The following RSPH10B2 variants were observed in gnomAD, a reference collection of about 807,000 sequenced individuals.
The protein encoded by RSPH10B2 is radial spoke head 10 homolog B2 (Chlamydomonas).
In RSPH10B2, 9 loss-of-function variants were observed where a neutral mutation model predicts 49.0. The observed-to-expected ratio is 0.18, with a 90% CI of 0.11 to 0.32. The LOEUF (loss-of-function observed/expected upper bound fraction) is 0.32, where lower values mean the gene tolerates loss of function less well. Among genes scored for constraint, RSPH10B2 ranks in the 10% least tolerant of loss-of-function variants. The pLI, the probability that RSPH10B2 is intolerant of heterozygous loss-of-function variation, is 1.00. For missense variants in RSPH10B2, 95 were observed against 589.9 expected (o/e 0.16, Z 8.69); for synonymous variants, 35 against 210.2 (o/e 0.17, Z 7.21).
chr7:6,786,705 C>CTGTGCGTGTG (rs1280904311), intron 14 of RSPH10B2, among the ~76,000 whole-genome samples, 173 bp from the exon 17 acceptor site: 1 of 139,222 alleles, frequency 7.2e-6, no homozygotes, highest in African/African-American at 2.8e-5. Flanking sequence ...GTGTGCGTGT[C>CTGTGCGTGTG]TGTGCGTGTG....
At chr7:6,783,112 C>T (rs1386998868) in intron 13 of RSPH10B2, among the ~76,000 whole-genome samples, 1 of 110,262 alleles carries the variant, frequency 9.1e-6, no homozygotes, top group Non-Finnish European at 1.8e-5. Flanking sequence ...CTCACTGCAA[C>T]CTCCGCCTCC....
Position 6,780,901 on chromosome 7 carries a change from C to T in RSPH10B2, c.1609+13C>T, listed in dbSNP as rs769315024. On this transcript the variant is annotated intron_variant, in intron 12 of 18. Coordinates refer to ENST00000297186, the Ensembl canonical transcript of RSPH10B2. ...TGCCAGATAAAAGGTAAATACAAAA[C>T]CAATAGGATTCTATTTACCGCCCCA... 9 of 1,445,840 alleles carry T rather than the reference C, an allele frequency of 6.2e-6. 1 individual carries two copies. The Admixed American group carries it at 2.0e-4, about 32-fold the overall frequency. 89.6% of individuals were successfully genotyped at this position (1,445,840 alleles called of 1,614,324 possible). A position where few individuals can be genotyped will look rare whatever the true frequency, so the allele number is the denominator to read the frequency against.
upstream of RSPH10B2, among the ~76,000 whole-genome samples, chr7:6,756,080 A>G (rs1303771796): frequency 3.3e-5 from 5 of 150,794 alleles, no homozygotes; most frequent in South Asian, 2.1e-4. Flanking sequence ...CATCCTGGCT[A>G]ACCCGGTGAA....
chr7:6,783,839 ATTATTAT>A (rs1782036722), intron 13 of RSPH10B2, among the ~76,000 whole-genome samples: 1 of 103,722 alleles, frequency 9.6e-6, no homozygotes, highest in South Asian at 2.9e-4. Flanking sequence ...AATAATAATA[ATTATTAT>A]TATTATTATT....
Position 6,765,868 on chromosome 7 carries a change from T to C in RSPH10B2, c.659+77T>C. ...GCCCAATAGCGTTCACCTCGGATAT[T>C]TAAAAGTAAGATGCAAAAGTTGCAT... On this transcript the variant is annotated intron_variant, in intron 5 of 18. Transcript: ENST00000297186. 1.6e-6 allele frequency: 2 copies of C among 1,220,016 alleles called. 1 individual carries two copies. Among genetic ancestry groups the C allele is most frequent in the Non-Finnish European group, 2.2e-6 (2 of 928,396 alleles). 75.6% of individuals were successfully genotyped at this position (1,220,016 alleles called of 1,614,324 possible). A position where few individuals can be genotyped will look rare whatever the true frequency, so the allele number is the denominator to read the frequency against.
intron 1 of RSPH10B2, among the ~76,000 whole-genome samples, chr7:6,758,241 A>G (rs1781142804): frequency 1.4e-5 from 2 of 146,052 alleles, no homozygotes; most frequent in South Asian, 4.4e-4. Flanking sequence ...CAGCCTCCCA[A>G]AGTGCTGGGA....
intron 4 of RSPH10B2, among the ~76,000 whole-genome samples, chr7:6,764,950 T>C (rs1190475347): frequency 1.1e-5 from 1 of 90,518 alleles, no homozygotes; most frequent in African/African-American, 4.4e-5. Flanking sequence ...TGCTCACTTA[T>C]ACTCGGAGGC....
At chr7:6,776,878 C>CACAT (rs1191969259) in intron 10 of RSPH10B2, among the ~76,000 whole-genome samples, 8 of 24,308 alleles carry the variant, frequency 3.3e-4, no homozygotes, top group African/African-American at 9.0e-4. Flanking sequence ...CTCCATCACA[C>CACAT]ACACACACAC....
chr7:6,780,180 A>G lies in RSPH10B2; in HGVS notation c.1529+456A>G, dbSNP rs1247377562. On this transcript the variant is annotated intron_variant, in intron 11 of 18. Transcript: ENST00000297186. Reference sequence around the variant, plus strand: ...GAAGGACTCAGAACACAACCTTTCCACAAATATTAACCACAAAGCCATGAC... The same window carrying G: ...GAAGGACTCAGAACACAACCTTTCCGCAAATATTAACCACAAAGCCATGAC... Among the ~76,000 whole-genome samples the G allele has an allele frequency of 1.8e-5, 2 of 109,090 alleles. 1 individual carries two copies. Among genetic ancestry groups the G allele is most frequent in the East Asian group, 6.5e-4 (2 of 3,084 alleles). The allele number at this position is 109,090 out of a possible 152,430, so 71.6% of individuals were successfully genotyped here. A position where few individuals can be genotyped will look rare whatever the true frequency, so the allele number is the denominator to read the frequency against.
At chr7:6,793,824 A>G (rs1470388479) in intron 17 of RSPH10B2, among the ~76,000 whole-genome samples, 1 of 147,592 alleles carries the variant, frequency 6.8e-6, no homozygotes, top group Non-Finnish European at 1.5e-5. Context: ...AGCCTGGGTG[A>G]CAGTGAGACT....
rs180689311 is a variant in RSPH10B2 at position 6,797,058 on chromosome 7, G to C, written c.2432+292G>C. ...CAGGGTCTCACTGTCACCCAGGCTA[G>C]AGTGGAGTGGTATGATCTCAGCTCA... On this transcript the variant is annotated intron_variant, in intron 18 of 18. Coordinates refer to ENST00000297186, the Ensembl canonical transcript of RSPH10B2. The C allele has an allele frequency of 2.1e-4, 73 of 349,110 alleles. 5 individuals carry two copies. Among genetic ancestry groups the C allele is most frequent in the Non-Finnish European group, 3.3e-4 (66 of 199,272 alleles). The allele number at this position is 349,110 out of a possible 1,614,324, so 21.6% of individuals were successfully genotyped here. A position where few individuals can be genotyped will look rare whatever the true frequency, so the allele number is the denominator to read the frequency against.
chr7:6,791,297 T>C (rs908693201), intron 16 of RSPH10B2, among the ~76,000 whole-genome samples: 1 of 133,682 alleles, frequency 7.5e-6, no homozygotes, highest in Non-Finnish European at 1.6e-5. Context: ...CCACCACGCC[T>C]AGCCGGTATC....
intron 7 of RSPH10B2, among the ~76,000 whole-genome samples, chr7:6,769,778 T>A (rs1254553252): frequency 1.2e-4 from 11 of 95,054 alleles, no homozygotes; most frequent in African/African-American, 5.0e-4. Context: ...TTTTTTTTTT[T>A]AGTAGTTACA....
At chr7:6,797,272 G>A (rs111792410) in intron 18 of RSPH10B2, among the ~76,000 whole-genome samples, 12 of 144,242 alleles carry the variant, frequency 8.3e-5, no homozygotes, top group African/African-American at 3.0e-4. Flanking sequence ...GCCTCCCAAA[G>A]TGCTGGGGTC....
intron 17 of RSPH10B2, among the ~76,000 whole-genome samples, chr7:6,796,271 G>A (rs1475020592): frequency 5.0e-5 from 6 of 120,180 alleles, no homozygotes; most frequent in African/African-American, 1.5e-4. Flanking sequence ...CAGAGATCAC[G>A]CCACTGCACT....
intron 7 of RSPH10B2, among the ~76,000 whole-genome samples, chr7:6,769,613 G>C (rs559433466): frequency 0.046 from 5,003 of 108,830 alleles, 1,089 homozygotes; most frequent in African/African-American, 0.2. Flanking sequence ...TTTTGAGACA[G>C]AGTTTCGCTC....
rs1782520753 is a variant in RSPH10B2 at position 6,795,617 on chromosome 7, T to C, written c.2234-951T>C. ...AAACCTTGTCTCTATAATAATTAGCTGGGTGTGGTGGCACCCGCCTGTGGT... is the reference window on the plus strand; with the variant it reads ...AAACCTTGTCTCTATAATAATTAGCCGGGTGTGGTGGCACCCGCCTGTGGT... On this transcript the variant is annotated intron_variant, in intron 17 of 18. Transcript: ENST00000297186. 1.5e-5 allele frequency among the ~76,000 whole-genome samples: 2 copies of C among 131,830 alleles called. 1 individual carries two copies. The highest frequency in any genetic ancestry group is 5.6e-5 in the African/African-American group (2 of 35,892). The allele number at this position is 131,830 out of a possible 152,430, so 86.5% of individuals were successfully genotyped here. A position where few individuals can be genotyped will look rare whatever the true frequency, so the allele number is the denominator to read the frequency against.
chr7:6,793,461 C>T (rs763272376), intron 17 of RSPH10B2, among the ~76,000 whole-genome samples: 1 of 116,162 alleles, frequency 8.6e-6, no homozygotes, highest in East Asian at 3.5e-4. Flanking sequence ...CCTGTGTATC[C>T]CCCTCTACAG....
At chr7:6,793,063 ATTT>A (rs778318872) in intron 17 of RSPH10B2, among the ~76,000 whole-genome samples, 4 of 64,824 alleles carry the variant, frequency 6.2e-5, no homozygotes, top group Middle Eastern at 0.011. Flanking sequence ...GCCCCTGGGC[ATTT>A]TTTTTTTTTT....
Sources: gnomAD v4.1 joint callset for allele counts (sites outside exome capture counted in the v4.1 genomes callset) on GRCh38, gnomAD v4.1.1 for gene constraint, MANE v1.5 for transcripts, NCBI Gene and HGNC (gene_info 2026-07-23, HGNC 2026-07-21) for gene names.